Variants in MIB1 observed in about 807,000 individuals in gnomAD.
The protein encoded by MIB1 is E3 ubiquitin-protein ligase MIB1.
Under a neutral mutation model 124.5 loss-of-function variants are expected in MIB1, and 278 were observed. That is an observed-to-expected ratio of 2.23 (90% CI 2.02 to 2.47). The LOEUF (loss-of-function observed/expected upper bound fraction) is 2.47. MIB1 is among the 30% of genes most tolerant of loss of function. The probability of loss-of-function intolerance (pLI) is 0.00; values close to 1 mark genes in which losing one functional copy is unlikely to be tolerated. For synonymous variants in MIB1, 446 were observed against 429.4 expected, an observed-to-expected ratio of 1.04 and a Z score of -0.48; for missense variants, 957 against 1,254.4, an observed-to-expected ratio of 0.76 and a Z score of 3.58.
At chr18:21,755,579 T>C (rs1038564766) in intron 1 of MIB1, among the ~76,000 whole-genome samples, 4 of 152,114 alleles carry the variant, frequency 2.6e-5, no homozygotes, top group Non-Finnish European at 4.4e-5. Flanking sequence ...CCTCCCAAAG[T>C]GCTGGGATTA....
chr18:21,794,505 C>T (rs1397078271), intron 7 of MIB1, among the ~76,000 whole-genome samples: 1 of 151,578 alleles, frequency 6.6e-6, no homozygotes, highest in Non-Finnish European at 1.5e-5. Flanking sequence ...GAAAACTAAA[C>T]CCAAATAAAT....
At chr18:21,790,506 A>G (rs1368468013) in intron 6 of MIB1, among the ~76,000 whole-genome samples, 1 of 152,164 alleles carries the variant, frequency 6.6e-6, no homozygotes, top group African/African-American at 2.4e-5. Flanking sequence ...TAAAAAATAA[A>G]TCTTCCAAGA....
At chr18:21,728,337 A>G (rs1036341670) in intron 1 of MIB1, among the ~76,000 whole-genome samples, 3 of 152,166 alleles carry the variant, frequency 2.0e-5, no homozygotes, top group Non-Finnish European at 2.9e-5. Flanking sequence ...TACTAACAGT[A>G]CAAAAATTAG....
intron 1 of MIB1, among the ~76,000 whole-genome samples, chr18:21,723,664 C>T (rs1380975167): frequency 2.0e-5 from 3 of 152,092 alleles, no homozygotes; most frequent in Middle Eastern, 3.4e-3. Flanking sequence ...TATAGGCACC[C>T]GCCACCACGC....
chr18:21,853,094 G>A lies in MIB1; in HGVS notation c.2587-46G>A, dbSNP rs750802122. On this transcript the variant is annotated intron_variant, in intron 17 of 20. Transcript: ENST00000261537. The stretch of plus-strand genomic sequence containing the variant: ...TAATTGAACTTGTTAAGAGTTACTA[G>A]ATTTATCTGTAAATGGTCACTGTGC... 5.4e-6 allele frequency: 7 copies of A among 1,285,126 alleles called. No individual in the cohort carries two copies. The East Asian group carries it at 1.6e-4, about 30-fold the overall frequency. 79.6% of individuals were successfully genotyped at this position (1,285,126 alleles called of 1,614,324 possible). A position where few individuals can be genotyped will look rare whatever the true frequency, so the allele number is the denominator to read the frequency against.
At chr18:21,720,997 A>G (rs2146358043) in intron 1 of MIB1, among the ~76,000 whole-genome samples, 1 of 152,044 alleles carries the variant, frequency 6.6e-6, no homozygotes, top group South Asian at 2.1e-4. Flanking sequence ...GTGGGTGTGG[A>G]TTGAGATGAA....
chr18:21,776,113 A>G (rs544862844), intron 4 of MIB1, among the ~76,000 whole-genome samples: 1 of 152,180 alleles, frequency 6.6e-6, no homozygotes, highest in East Asian at 1.9e-4. Flanking sequence ...CAAACAATAA[A>G]AAATGTTAGC....
intron 9 of MIB1, among the ~76,000 whole-genome samples, chr18:21,803,152 G>A (rs1364271021): frequency 6.6e-6 from 1 of 151,970 alleles, no homozygotes; most frequent in Non-Finnish European, 1.5e-5. Flanking sequence ...GTTTTCTAAT[G>A]TTCTCCCTTT....
At chr18:21,760,894 C>T (rs549672943) in intron 1 of MIB1, among the ~76,000 whole-genome samples, 26 of 152,180 alleles carry the variant, frequency 1.7e-4, no homozygotes, top group African/African-American at 6.3e-4. Flanking sequence ...TTTGTTTAGT[C>T]TATTTTACTT....
rs1555694061 is a variant in MIB1, at chr18:21,819,477, A to T, written c.1678-18A>T. ...ATAATTAATTGAAGAACTAATGAAA[A>T]TTTCTTTAAACTTAAAGGATTCTGA... On this transcript the variant is annotated intron_variant, in intron 11 of 20. Transcript: ENST00000261537. 6.5e-7 allele frequency: 1 copy of T among 1,535,228 alleles called. No homozygotes were observed. Among genetic ancestry groups the T allele is most frequent in the Non-Finnish European group, 8.9e-7 (1 of 1,123,080 alleles).
chr18:21,825,263 A>G (rs1447600967), intron 12 of MIB1, among the ~76,000 whole-genome samples: 1 of 152,190 alleles, frequency 6.6e-6, no homozygotes, highest in Non-Finnish European at 1.5e-5. Context: ...CTAGAGTGTT[A>G]TATAATGTTA....
chr18:21,849,200 C>T lies in MIB1; in HGVS notation c.2398C>T (p.Gln800Ter), dbSNP rs746786519. ...TGAAATACTTTCTTTTATTAGTGGT[C>T]AAGTGGGTTCTCGGAGTCCTTCTAT... Reference protein sequence around the residue: ...AKCHKEKVSGQVGSRSPSMIS... With the variant: ...AKCHKEKVSG Residue 800 changes from glutamine to a stop codon, truncating the protein, a stop_gained, in exon 17 of 21, where the codon CAA becomes TAA. Coordinates refer to ENST00000261537, the MANE Select transcript of MIB1 (RefSeq NM_020774.4). LOFTEE classifies it high-confidence loss of function. 4 of 1,543,916 alleles carry T rather than the reference C, an allele frequency of 2.6e-6. No homozygotes were observed. The East Asian group carries it at 7.1e-5, about 27-fold the overall frequency.
At chr18:21,833,176 A>G (rs1051328326) in intron 12 of MIB1, among the ~76,000 whole-genome samples, 1 of 152,198 alleles carries the variant, frequency 6.6e-6, no homozygotes, top group East Asian at 1.9e-4. Context: ...TGCTCCTCAG[A>G]TTTGTGATAA....
chr18:21,760,097 A>G (rs900920845), intron 1 of MIB1, among the ~76,000 whole-genome samples: 4 of 152,214 alleles, frequency 2.6e-5, no homozygotes, highest in Admixed American at 6.5e-5. Flanking sequence ...AAGCCTAGCA[A>G]AGGAAAAGGG....
Position 21,778,133 on chromosome 18 carries a change from G to T in MIB1, c.667G>T (p.Gly223Ter). ...TCTGAAATGTGTCCAGGATGCCAAG[G>T]GAGGTTCTTTCTACAGAGATCACTG... Reference protein sequence around the residue: ...SDLKCVQDAKGGSFYRDHCPV... With the variant: ...SDLKCVQDAK The change falls in exon 5 of 21, where the codon GGA (glycine) becomes TGA (stop). Residue 223 changes from glycine to a stop codon, truncating the protein, a stop_gained. Coordinates refer to ENST00000261537, the MANE Select transcript of MIB1 (RefSeq NM_020774.4). LOFTEE classifies it high-confidence loss of function. 1.2e-6 allele frequency: 2 copies of T among 1,612,736 alleles called. No individual in the cohort carries two copies. Among genetic ancestry groups the T allele is most frequent in the Non-Finnish European group, 1.7e-6 (2 of 1,179,036 alleles).
At chr18:21,721,510 A>G (rs1412159789) in intron 1 of MIB1, among the ~76,000 whole-genome samples, 2 of 152,042 alleles carry the variant, frequency 1.3e-5, no homozygotes, top group African/African-American at 4.8e-5. Flanking sequence ...TGATTTTACT[A>G]AAACTTATTT....
At chr18:21,818,035 G>A (rs925778473) in intron 11 of MIB1, among the ~76,000 whole-genome samples, 29 of 152,142 alleles carry the variant, frequency 1.9e-4, no homozygotes, top group African/African-American at 7.0e-4. Flanking sequence ...AATGTAAAAA[G>A]TAGTCAGCTT....
At chr18:21,822,605 A>G (rs570807197) in intron 12 of MIB1, among the ~76,000 whole-genome samples, 1 of 152,334 alleles carries the variant, frequency 6.6e-6, no homozygotes, top group South Asian at 2.1e-4. Context: ...TTGGACACTG[A>G]AGAGTATCAG....
Position 21,799,831 on chromosome 18 carries a change from T to G in MIB1, c.1238-10T>G. The G allele has an allele frequency of 6.2e-7, 1 of 1,608,092 alleles. No individual in the cohort carries two copies. Among genetic ancestry groups the G allele is most frequent in the Non-Finnish European group, 8.5e-7 (1 of 1,176,408 alleles). ...CTCCTATATTAGCAGCTTTATTTGA[T>G]GCTTTACAGAAAGACTCTCACAACT... is the stretch of plus-strand genomic sequence containing the variant. On this transcript the variant is annotated splice_polypyrimidine_tract_variant and intron_variant, in intron 8 of 20. Transcript: ENST00000261537.
Sources: gnomAD v4.1 joint callset for allele counts (sites outside exome capture counted in the v4.1 genomes callset) on GRCh38, gnomAD v4.1.1 for gene constraint, MANE v1.5 for transcripts, NCBI Gene and HGNC (gene_info 2026-07-23, HGNC 2026-07-21) for gene names.